UIMC1: variants seen among roughly 807,000 people sequenced by gnomAD.
UIMC1 encodes the protein ubiquitin interaction motif containing 1.
UIMC1 carries 42 observed loss-of-function variants against 84.9 expected under a neutral mutation model. The ratio of observed to expected loss-of-function variants is 0.49; its 90% CI spans 0.39 to 0.64. UIMC1 has a LOEUF of 0.64. Among genes scored for constraint, UIMC1 ranks in the 30% least tolerant of loss-of-function variants. The probability of loss-of-function intolerance (pLI) is 0.00; values close to 1 mark genes in which losing one functional copy is unlikely to be tolerated. For missense variants in UIMC1, 825 were observed against 847.6 expected (o/e 0.97, Z 0.33); for synonymous variants, 281 against 293.0 (o/e 0.96, Z 0.42).
At chr5:176,989,800 T>C (rs1772535430) in intron 1 of UIMC1, among the ~76,000 whole-genome samples, 1 of 152,180 alleles carries the variant, frequency 6.6e-6, no homozygotes, top group African/African-American at 2.4e-5. Flanking sequence ...ACTAGATAAC[T>C]AGATATGACC....
intron 6 of UIMC1, among the ~76,000 whole-genome samples, 196 bp downstream of exon 6, chr5:176,968,359 C>T (rs112356973): frequency 1.3e-4 from 19 of 150,406 alleles, no homozygotes; most frequent in African/African-American, 3.7e-4. Context: ...GGAGACAGAG[C>T]GAGACTCCAA....
rs1346785498 is a variant in UIMC1, at chr5:176,985,202, T to A, written c.-8-2579A>T. On this transcript the variant is annotated intron_variant, in intron 1 of 14. Transcript: ENST00000511320. ...TGGGCACAGTGGCTCATGCCTGTAA[T>A]CCCAGCACTTTGGGAAGCTGAGGCA... 2.0e-5 allele frequency among the ~76,000 whole-genome samples: 3 copies of A among 152,230 alleles called. No homozygotes were observed. The East Asian group carries it at 5.8e-4, about 29-fold the overall frequency.
chr5:177,005,267 GTCTCC>G (rs1286377217), intron 1 of UIMC1, among the ~76,000 whole-genome samples: 2 of 151,950 alleles, frequency 1.3e-5, no homozygotes, highest in African/African-American at 4.8e-5. Flanking sequence ...TAGAGACAGG[GTCTCC>G]TATGTTGCCC....
At chr5:176,948,990 G>A (rs566250885) in intron 9 of UIMC1, among the ~76,000 whole-genome samples, 58 of 141,038 alleles carry the variant, frequency 4.1e-4, no homozygotes, top group African/African-American at 1.5e-3. Context: ...TCTTTTAATG[G>A]AAACTTTTTT....
At chr5:176,948,803 G>A (rs867036756) in intron 9 of UIMC1, among the ~76,000 whole-genome samples, 16 of 152,126 alleles carry the variant, frequency 1.1e-4, no homozygotes, top group African/African-American at 3.1e-4. Flanking sequence ...CGAGCTCCTT[G>A]TACTACACCA....
intron 6 of UIMC1, among the ~76,000 whole-genome samples, chr5:176,962,027 T>C (rs1767553318): frequency 2.4e-5 from 1 of 41,548 alleles, no homozygotes; most frequent in Admixed American, 1.6e-4. Context: ...AGCCGCCCCG[T>C]CCGGGAGGTG....
At chr5:176,960,348 T>A (rs1767192840) in intron 6 of UIMC1, among the ~76,000 whole-genome samples, 2 of 152,188 alleles carry the variant, frequency 1.3e-5, no homozygotes, top group Admixed American at 6.5e-5. Context: ...TATTTTAATT[T>A]AGAAATTTAT....
chr5:176,971,771 T>C (rs1293245168), intron 3 of UIMC1, among the ~76,000 whole-genome samples: 1 of 151,794 alleles, frequency 6.6e-6, no homozygotes, highest in Non-Finnish European at 1.5e-5. Flanking sequence ...TAGCCAGGCA[T>C]GGTGGTGGGT....
intron 10 of UIMC1, among the ~76,000 whole-genome samples, chr5:176,936,377 C>T (rs1179487639): frequency 6.6e-6 from 1 of 152,208 alleles, no homozygotes; most frequent in Non-Finnish European, 1.5e-5. Context: ...GACATTTCTT[C>T]TACTTTATCA....
intron 1 of UIMC1, among the ~76,000 whole-genome samples, chr5:177,011,975 T>C (rs1236901929): frequency 6.6e-6 from 1 of 152,056 alleles, no homozygotes; most frequent in Non-Finnish European, 1.5e-5. Flanking sequence ...TAATTTTTTG[T>C]ATTTTTAGTA....
chr5:176,930,301 A>G (rs1363515172), intron 10 of UIMC1, among the ~76,000 whole-genome samples: 1 of 152,184 alleles, frequency 6.6e-6, no homozygotes, highest in Non-Finnish European at 1.5e-5. Flanking sequence ...AAATATATTG[A>G]CCACCATATT....
chr5:176,959,132 CATT>C (rs1281125807), intron 6 of UIMC1, among the ~76,000 whole-genome samples: 1 of 152,182 alleles, frequency 6.6e-6, no homozygotes, highest in Non-Finnish European at 1.5e-5. Context: ...GGAATATAGT[CATT>C]ATGAAAAACA....
At chr5:176,979,612 A>G (rs1770702932) in intron 2 of UIMC1, among the ~76,000 whole-genome samples, 1 of 152,142 alleles carries the variant, frequency 6.6e-6, no homozygotes, top group Non-Finnish European at 1.5e-5. Context: ...CAAAAAAAAA[A>G]AAAGAAAGGT....
intron 2 of UIMC1, among the ~76,000 whole-genome samples, chr5:176,978,680 GATTT>G (rs1233027770): frequency 6.6e-6 from 1 of 151,352 alleles, no homozygotes; most frequent in Non-Finnish European, 1.5e-5. Context: ...GACCAAGTAT[GATTT>G]ATTTCAGAAA....
intron 3 of UIMC1, among the ~76,000 whole-genome samples, chr5:176,971,601 C>T (rs886892580): frequency 6.6e-6 from 1 of 152,154 alleles, no homozygotes; most frequent in Non-Finnish European, 1.5e-5. Context: ...TAAATCACAT[C>T]AAATATATTT....
chr5:177,019,782 C>T (rs936902328), intron 1 of UIMC1, among the ~76,000 whole-genome samples: 9 of 151,730 alleles, frequency 5.9e-5, no homozygotes, highest in Non-Finnish European at 1.0e-4. Context: ...AAATAGAAAA[C>T]ATAGCTGGGT....
intron 3 of UIMC1, 69 bp from the exon 4 acceptor site, chr5:176,970,935 A>G: frequency 6.4e-7 from 1 of 1,557,250 alleles, no homozygotes; most frequent in Admixed American, 1.9e-5. Context: ...GGCAAGAAAG[A>G]GAATTATTAA....
At chr5:176,930,262 AAC>A (rs1221370987) in intron 10 of UIMC1, among the ~76,000 whole-genome samples, 7 of 152,258 alleles carry the variant, frequency 4.6e-5, no homozygotes, top group African/African-American at 1.7e-4. Context: ...TTTTTATACA[AAC>A]ACACAGTTTT....
At chr5:176,976,272 A>C (rs1177260666) in intron 2 of UIMC1, among the ~76,000 whole-genome samples, 4 of 152,180 alleles carry the variant, frequency 2.6e-5, no homozygotes, top group Non-Finnish European at 2.9e-5. Flanking sequence ...CTAAGATCGC[A>C]CCACGATATT....
Sources: gnomAD v4.1 joint callset for allele counts (sites outside exome capture counted in the v4.1 genomes callset) on GRCh38, gnomAD v4.1.1 for gene constraint, MANE v1.5 for transcripts, NCBI Gene and HGNC (gene_info 2026-07-23, HGNC 2026-07-21) for gene names.